The following HYDIN variants were observed in gnomAD, a reference collection of about 807,000 sequenced individuals.
The protein encoded by HYDIN is axonemal central pair apparatus protein HYDIN.
Under a neutral mutation model 403.9 loss-of-function variants are expected in HYDIN, and 132 were observed. The ratio of observed to expected loss-of-function variants is 0.33; its 90% CI spans 0.28 to 0.38. The LOEUF (loss-of-function observed/expected upper bound fraction) is 0.38. Among genes scored for constraint, HYDIN ranks in the 10% least tolerant of loss-of-function variants. The pLI is 1.00. For synonymous variants in HYDIN, 1,202 were observed against 1,891.7 expected, an observed-to-expected ratio of 0.64 and a Z score of 9.46; for missense variants, 2,827 against 5,009.5, an observed-to-expected ratio of 0.56 and a Z score of 13.15.
chr16:70,991,775 G>C (rs2079360737), intron 24 of HYDIN, among the ~76,000 whole-genome samples: 1 of 151,734 alleles, frequency 6.6e-6, no homozygotes, highest in Non-Finnish European at 1.5e-5. Context: ...AGGACATAAT[G>C]TTTGGTGAAT....
intron 1 of HYDIN, among the ~76,000 whole-genome samples, chr16:71,190,608 C>T (rs919223874): frequency 2.0e-5 from 3 of 152,016 alleles, no homozygotes; most frequent in African/African-American, 7.2e-5. Flanking sequence ...AAATAATTAC[C>T]ATTTTGCAGC....
At chr16:70,905,920 C>G (rs1349143369) in intron 50 of HYDIN, among the ~76,000 whole-genome samples, 4 of 151,924 alleles carry the variant, frequency 2.6e-5, no homozygotes, top group Non-Finnish European at 4.4e-5. Context: ...TCTCCATCAT[C>G]AGCAAATTCC....
chr16:70,842,784 C>T (rs1201361921), intron 75 of HYDIN, among the ~76,000 whole-genome samples: 3 of 151,766 alleles, frequency 2.0e-5, no homozygotes, highest in African/African-American at 7.3e-5. Flanking sequence ...TATATCATGT[C>T]TTTTTAAACA....
chr16:70,879,711 T>A lies in HYDIN; in HGVS notation c.10261A>T (p.Met3421Leu). 7.1e-7 allele frequency: 1 copy of A among 1,408,992 alleles called. No individual in the cohort carries two copies. The highest frequency in any genetic ancestry group is 1.0e-6 in the Non-Finnish European group (1 of 1,004,516). 87.3% of individuals were successfully genotyped at this position (1,408,992 alleles called of 1,614,324 possible). The change falls in exon 61 of 86, where the codon ATG (methionine) becomes TTG (leucine). Residue 3421 changes from methionine (M) to leucine (L), a missense_variant. Physicochemically the swap from Met to Leu is conservative, Grantham distance 15. Transcript: ENST00000393567. ...GCATGGGAATGACTGGCAATGCACA[T>A]CTTGCTGGGTTCCACTTCAAAAATG... ...VDIFEVEPSKMCIASHSHAFA... is the reference protein window; with the variant it reads ...VDIFEVEPSKLCIASHSHAFA...
At chr16:71,219,551 C>A (rs1419689964) in intron 1 of HYDIN, among the ~76,000 whole-genome samples, 1 of 152,114 alleles carries the variant, frequency 6.6e-6, no homozygotes, top group East Asian at 1.9e-4. Context: ...TGAACCAATA[C>A]TTTCTAACAA....
chr16:71,021,984 C>T (rs1341808987), intron 21 of HYDIN, among the ~76,000 whole-genome samples: 1 of 151,722 alleles, frequency 6.6e-6, no homozygotes, highest in Admixed American at 6.6e-5. Flanking sequence ...GGGATTAGGT[C>T]TGGAGTTTAC....
intron 75 of HYDIN, 134 bp downstream of exon 75, chr16:70,849,592 G>A (rs1201652811): frequency 6.6e-6 from 4 of 604,424 alleles, no homozygotes; most frequent in African/African-American, 5.6e-5. Context: ...ACATTGTGAG[G>A]CTGTGTCCAA....
In HYDIN at chr16:71,195,921, T is replaced by C. The variant is rs560366545; in HGVS notation, c.-23-9003A>G. ...TCAGGTACTGGAAACTTGTTCAAAC[T>C]GTAGAAGTTTCCAGGTCAGACACAG... On this transcript the variant is annotated intron_variant, in intron 1 of 85. Transcript: ENST00000393567. Among the ~76,000 whole-genome samples the C allele has an allele frequency of 1.1e-4, 17 of 152,260 alleles. No homozygotes were observed. In the East Asian group the frequency reaches 3.1e-3, roughly 28 times the overall value.
At chr16:71,195,405 G>C (rs745411813) in intron 1 of HYDIN, among the ~76,000 whole-genome samples, 7 of 152,024 alleles carry the variant, frequency 4.6e-5, no homozygotes, top group Non-Finnish European at 2.9e-5. Flanking sequence ...ACTATACTCT[G>C]GAATGTTGAT....
chr16:70,922,231 T>A (rs1475805089), intron 45 of HYDIN, among the ~76,000 whole-genome samples: 1 of 152,116 alleles, frequency 6.6e-6, no homozygotes. Context: ...GCACGGTGCC[T>A]CATGTGGGGG....
chr16:71,056,127 G>A (rs3078778), intron 18 of HYDIN, among the ~76,000 whole-genome samples: 1 of 106,264 alleles, frequency 9.4e-6, no homozygotes, highest in Non-Finnish European at 1.9e-5. Context: ...TCTGAGATTT[G>A]TTTTTTTTTT....
chr16:70,842,915 C>A (rs1364150995), intron 75 of HYDIN, among the ~76,000 whole-genome samples: 2 of 151,476 alleles, frequency 1.3e-5, no homozygotes, highest in Non-Finnish European at 2.9e-5. Context: ...TTACTATATT[C>A]TTTTGAGTTG....
intron 13 of HYDIN, among the ~76,000 whole-genome samples, chr16:71,070,305 C>T: frequency 6.7e-6 from 1 of 148,194 alleles, no homozygotes; most frequent in African/African-American, 2.5e-5. Context: ...TTCCTCCTTC[C>T]TTCCTTCCTT....
At chr16:71,035,966 C>A (rs1388799390) in intron 18 of HYDIN, among the ~76,000 whole-genome samples, 1 of 150,162 alleles carries the variant, frequency 6.7e-6, no homozygotes, top group Non-Finnish European at 1.5e-5. Flanking sequence ...TGAGTCAATG[C>A]AGCCTAACCC....
chr16:70,942,519 T>C (rs2077711855), intron 42 of HYDIN, among the ~76,000 whole-genome samples: 1 of 152,350 alleles, frequency 6.6e-6, no homozygotes, highest in Non-Finnish European at 1.5e-5. Context: ...CTTATTAGTC[T>C]TACTGCCTTG....
intron 45 of HYDIN, among the ~76,000 whole-genome samples, chr16:70,927,023 C>T (rs1042618440): frequency 1.3e-4 from 20 of 152,114 alleles, no homozygotes; most frequent in African/African-American, 4.6e-4. Context: ...AGGCCTAGCA[C>T]ATTTATGATT....
intron 1 of HYDIN, among the ~76,000 whole-genome samples, chr16:71,191,593 C>A (rs1182854517): frequency 1.3e-5 from 2 of 152,178 alleles, no homozygotes; most frequent in Non-Finnish European, 2.9e-5. Flanking sequence ...AACCACACAG[C>A]AGCCTAGACT....
intron 55 of HYDIN, 129 bp downstream of exon 55, chr16:70,894,320 A>G (rs562738700): frequency 1.6e-6 from 2 of 1,258,742 alleles, no homozygotes; most frequent in South Asian, 1.5e-5. Flanking sequence ...CAGACACGCT[A>G]TTCCCCACGG....
chr16:70,850,162 T>G (rs560457727), intron 74 of HYDIN, among the ~76,000 whole-genome samples: 1 of 152,156 alleles, frequency 6.6e-6, no homozygotes, highest in Admixed American at 6.5e-5. Context: ...AAGTGGCAAT[T>G]TAGTTCTTAG....
Sources: gnomAD v4.1 joint callset for allele counts (sites outside exome capture counted in the v4.1 genomes callset) on GRCh38, gnomAD v4.1.1 for gene constraint, MANE v1.5 for transcripts, NCBI Gene and HGNC (gene_info 2026-07-23, HGNC 2026-07-21) for gene names.